CST7: variants seen among roughly 807,000 people sequenced by gnomAD.
CST7 encodes cystatin F, also known as cystatin-F.
Under a neutral mutation model 13.1 loss-of-function variants are expected in CST7, and 15 were observed. The ratio of observed to expected loss-of-function variants is 1.14; its 90% CI spans 0.77 to 1.76. The LOEUF is 1.76. Ranked by LOEUF, CST7 falls within the 40% of genes most tolerant of loss-of-function variation. CST7 has a pLI of 0.00. For synonymous variants in CST7, 75 were observed against 66.9 expected (o/e 1.12, Z -0.59); for missense variants, 193 against 178.8 (o/e 1.08, Z -0.45).
chr20:24,958,512 G>C (rs940328307), intron 2 of CST7, among the ~76,000 whole-genome samples: 10 of 152,180 alleles, frequency 6.6e-5, no homozygotes, highest in African/African-American at 2.4e-4. Context: ...AGTGGAGAAG[G>C]GCTGTCCAGA....
At position 24,957,358 on chromosome 20, in the gene CST7, G is replaced by C. The variant is rs752259275; in HGVS notation, c.142G>C (p.Gly48Arg). Reference protein sequence around the residue: ...FPKTIKTNDPGVLQAARYSVE... With the variant: ...FPKTIKTNDPRVLQAARYSVE... ...TAAAACAATAAAGACCAATGACCCAGGAGTCCTCCAAGCAGCCAGATACAG... is the reference window on the plus strand; with the variant it reads ...TAAAACAATAAAGACCAATGACCCACGAGTCCTCCAAGCAGCCAGATACAG... The change falls in exon 2 of 4, where the codon GGA (glycine) becomes CGA (arginine). Residue 48 changes from glycine (G) to arginine (R), a missense_variant. Physicochemically the swap from Gly to Arg is moderately radical, Grantham distance 125. Coordinates refer to ENST00000480798, the MANE Select transcript of CST7 (RefSeq NM_003650.4). 6.8e-6 allele frequency: 11 copies of C among 1,613,786 alleles called. No individual in the cohort carries two copies. The highest frequency in any genetic ancestry group is 9.3e-6 in the Non-Finnish European group (11 of 1,179,806).
Position 24,958,929 on chromosome 20 carries a change from T to G in CST7, c.245T>G (p.Ile82Arg), listed in dbSNP as rs753180769. Reference sequence around the variant, plus strand: ...ACCCAGTCCCTTTGCTCCCTCCAGATAGTGAAAGGCCTGAAATATATGCTG... The same window carrying G: ...ACCCAGTCCCTTTGCTCCCTCCAGAGAGTGAAAGGCCTGAAATATATGCTG... The part of the protein sequence containing the change: ...ESRITRALVQ[I>R]VKGLKYMLEV... Residue 82 changes from isoleucine to arginine, a missense_variant and splice_region_variant, in exon 3 of 4, where the codon ATA becomes AGA. Transcript: ENST00000480798. 3 of 1,611,002 alleles carry G rather than the reference T, an allele frequency of 1.9e-6. No homozygotes were observed. The highest frequency in any genetic ancestry group is 2.2e-5 in the East Asian group (1 of 44,836).
chr20:24,955,414 C>A (rs1600961476), intron 1 of CST7, among the ~76,000 whole-genome samples: 2 of 150,982 alleles, frequency 1.3e-5, no homozygotes, highest in Non-Finnish European at 2.9e-5. Flanking sequence ...AGGAACAGAG[C>A]GGTTTCTATT....
In CST7 at chr20:24,958,951, G is replaced by A; in HGVS notation, c.267G>A (p.Met89Ile). 4.3e-6 allele frequency: 7 copies of A among 1,613,940 alleles called. No homozygotes were observed. Among genetic ancestry groups the A allele is most frequent in the Non-Finnish European group, 5.9e-6 (7 of 1,179,860 alleles). The change falls in exon 3 of 4, where the codon ATG (methionine) becomes ATA (isoleucine). Residue 89 changes from methionine (M) to isoleucine (I), a missense_variant. Coordinates refer to ENST00000480798, the MANE Select transcript of CST7 (RefSeq NM_003650.4). ...AGATAGTGAAAGGCCTGAAATATAT[G>A]CTGGAGGTGGAAATTGGCAGAACTA... The part of the protein sequence containing the change: ...LVQIVKGLKY[M>I]LEVEIGRTTC...
chr20:24,954,438 G>A (rs765084487), intron 1 of CST7, among the ~76,000 whole-genome samples: 24 of 152,190 alleles, frequency 1.6e-4, no homozygotes, highest in Non-Finnish European at 3.1e-4. Context: ...AGCTGCATTC[G>A]CTCACCACCT....
intron 1 of CST7, among the ~76,000 whole-genome samples, chr20:24,955,178 C>T (rs901979242): frequency 6.6e-6 from 1 of 152,154 alleles, no homozygotes; most frequent in Non-Finnish European, 1.5e-5. Context: ...GTTTCCAGAA[C>T]AGTTTTTTGT....
At chr20:24,953,176 C>T (rs2087831090) in intron 1 of CST7, among the ~76,000 whole-genome samples, 2 of 152,210 alleles carry the variant, frequency 1.3e-5, no homozygotes, top group Non-Finnish European at 2.9e-5. Flanking sequence ...CAGGACTTTG[C>T]CCCATGCACA....
At chr20:24,959,079 C>T in intron 3 of CST7, 35 bp downstream of exon 3, 2 of 1,496,438 alleles carry the variant, frequency 1.3e-6, no homozygotes, top group Non-Finnish European at 1.9e-6. Context: ...GATGTGCCCT[C>T]TCTTCCCCAG....
At position 24,959,779 on chromosome 20, in the gene CST7, AC is replaced by A. The variant is rs2087884498; in HGVS notation, c.*70del. 6.7e-7 allele frequency: 1 copy of A among 1,494,402 alleles called. No homozygotes were observed. The highest frequency in any genetic ancestry group is 1.7e-5 in the Admixed American group (1 of 59,480). 92.6% of individuals were successfully genotyped at this position (1,494,402 alleles called of 1,614,324 possible). On this transcript the variant is annotated 3_prime_UTR_variant, in exon 4 of 4. Transcript: ENST00000480798. ...GGATGCATGCTCCTTGTCCCCTCCC[AC>A]CCGCCTCATGACCCAGCCTCACAGA...
chr20:24,957,226 AC>A (rs1260953377), intron 1 of CST7, 60 bp from the exon 2 acceptor site: 3 of 1,543,232 alleles, frequency 1.9e-6, no homozygotes, highest in Non-Finnish European at 2.7e-6. Flanking sequence ...ATGAGGCGTG[AC>A]ACCTGGACTG....
Position 24,954,193 on chromosome 20 carries a change from T to C in CST7, c.71-3094T>C, listed in dbSNP as rs145448394. ...GAAAAAGTGAGAGTGGTGTTTCGAA[T>C]TAGTCACACCTGGGTTTAGCCCCCC... On this transcript the variant is annotated intron_variant, in intron 1 of 3. Transcript: ENST00000480798. 7.9e-3 allele frequency among the ~76,000 whole-genome samples: 1,200 copies of C among 152,322 alleles called. 16 individuals carry two copies. The highest frequency in any genetic ancestry group is 0.027 in the African/African-American group (1,127 of 41,570).
rs1398417262 is a variant in CST7 at position 24,949,345 on chromosome 20, G to A, written c.-161G>A. 14 of 1,543,286 alleles carry A rather than the reference G, an allele frequency of 9.1e-6. No individual in the cohort carries two copies. Among genetic ancestry groups the A allele is most frequent in the African/African-American group, 1.4e-5 (1 of 73,324 alleles). On this transcript the variant is annotated 5_prime_UTR_variant, in exon 1 of 4. Transcript: ENST00000480798. Reference sequence around the variant, plus strand: ...GCACTGGCCCGTGCTGCCTGAGAAGGATTGGCACGGGCACAGACCACTGCC... The same window carrying A: ...GCACTGGCCCGTGCTGCCTGAGAAGAATTGGCACGGGCACAGACCACTGCC...
Position 24,959,774 on chromosome 20 carries a change from C to T in CST7, c.*62C>T. ...CACCAGGATGCATGCTCCTTGTCCC[C>T]TCCCACCCGCCTCATGACCCAGCCT... On this transcript the variant is annotated 3_prime_UTR_variant, in exon 4 of 4. Coordinates refer to ENST00000480798, the MANE Select transcript of CST7 (RefSeq NM_003650.4). 1 of 1,517,554 alleles carries T rather than the reference C, an allele frequency of 6.6e-7. No individual in the cohort carries two copies. The highest frequency in any genetic ancestry group is 1.4e-5 in the African/African-American group (1 of 73,168). 94.0% of individuals were successfully genotyped at this position (1,517,554 alleles called of 1,614,324 possible). A position where few individuals can be genotyped will look rare whatever the true frequency, so the allele number is the denominator to read the frequency against.
chr20:24,954,484 G>A (rs191664552), intron 1 of CST7, among the ~76,000 whole-genome samples: 37 of 152,280 alleles, frequency 2.4e-4, no homozygotes, highest in African/African-American at 8.4e-4. Context: ...AAGATGAGTG[G>A]CCTCTTTGGG....
intron 3 of CST7, 99 bp downstream of exon 3, chr20:24,959,143 G>A (rs915599079): frequency 1.5e-5 from 14 of 958,238 alleles, no homozygotes; most frequent in Admixed American, 3.7e-5. Context: ...CTAACGCAGC[G>A]CCCCAAACCT....
At chr20:24,951,684 C>CT (rs926140027) in intron 1 of CST7, among the ~76,000 whole-genome samples, 7 of 152,206 alleles carry the variant, frequency 4.6e-5, no homozygotes, top group Admixed American at 1.3e-4. Context: ...GTGGTGCCGT[C>CT]TGAGCATCTG....
chr20:24,958,790 G>T, intron 2 of CST7, 138 bp from the exon 3 acceptor site: 1 of 680,602 alleles, frequency 1.5e-6, no homozygotes, highest in Non-Finnish European at 2.6e-6. Context: ...TAAGCCCGAA[G>T]CATTGCCCCA....
intron 1 of CST7, among the ~76,000 whole-genome samples, chr20:24,951,690 A>C (rs1323345781): frequency 6.6e-6 from 1 of 152,142 alleles, no homozygotes; most frequent in Non-Finnish European, 1.5e-5. Flanking sequence ...CCGTCTGAGC[A>C]TCTGGCCTCT....
In CST7 at chr20:24,949,592, C is replaced by T. The variant is rs1600957750; in HGVS notation, c.70+17C>T. On this transcript the variant is annotated intron_variant, in intron 1 of 3. Coordinates refer to ENST00000480798, the MANE Select transcript of CST7 (RefSeq NM_003650.4). The stretch of plus-strand genomic sequence containing the variant: ...CTTCCCCAGGTAAGTGGCGTTCTCC[C>T]CTGTCCGCTCCCCGGGGGTCTCTCC... 1 of 1,613,576 alleles carries T rather than the reference C, an allele frequency of 6.2e-7. No homozygotes were observed. The highest frequency in any genetic ancestry group is 8.5e-7 in the Non-Finnish European group (1 of 1,179,810).
Sources: allele counts gnomAD v4.1 joint callset (sites outside exome capture counted in the v4.1 genomes callset), GRCh38; gene constraint gnomAD v4.1.1; transcripts MANE v1.5; gene names NCBI Gene and HGNC (gene_info 2026-07-23, HGNC 2026-07-21).